The following PTPRM variants were observed in gnomAD, a reference collection of about 807,000 sequenced individuals.
PTPRM encodes protein tyrosine phosphatase receptor type M, also known as receptor-type tyrosine-protein phosphatase mu.
PTPRM carries 47 observed loss-of-function variants against 186.7 expected under a neutral mutation model. The ratio of observed to expected loss-of-function variants is 0.25; its 90% CI spans 0.20 to 0.32. The LOEUF (loss-of-function observed/expected upper bound fraction) is 0.32. Ranked by LOEUF, PTPRM falls within the 10% of genes least tolerant of loss-of-function variation. The probability of loss-of-function intolerance (pLI) is 1.00; values close to 1 mark genes in which losing one functional copy is unlikely to be tolerated. For synonymous variants in PTPRM, 668 were observed against 674.9 expected, an observed-to-expected ratio of 0.99 and a Z score of 0.16; for missense variants, 1,494 against 1,865.0, an observed-to-expected ratio of 0.80 and a Z score of 3.66.
intron 23 of PTPRM, among the ~76,000 whole-genome samples, chr18:8,367,445 G>C (rs141945500): frequency 6.6e-6 from 1 of 152,254 alleles, no homozygotes; most frequent in Non-Finnish European, 1.5e-5. Flanking sequence ...GCACCGTGCC[G>C]AGCAGTTGAG....
At chr18:7,933,169 T>G (rs1380549650) in intron 5 of PTPRM, among the ~76,000 whole-genome samples, 1 of 152,206 alleles carries the variant, frequency 6.6e-6, no homozygotes. Context: ...CTTACTTTAC[T>G]TAACCATTGC....
intron 2 of PTPRM, among the ~76,000 whole-genome samples, chr18:7,831,643 T>C (rs995513490): frequency 5.3e-5 from 8 of 152,166 alleles, no homozygotes; most frequent in Non-Finnish European, 1.0e-4. Flanking sequence ...TTTAGTTATC[T>C]TTAAATGTAC....
chr18:8,352,046 AT>A (rs2095537194), intron 23 of PTPRM, among the ~76,000 whole-genome samples: 1 of 152,256 alleles, frequency 6.6e-6, no homozygotes, highest in African/African-American at 2.4e-5. Context: ...TCTCAGCACA[AT>A]TTAACCCAAC....
At chr18:8,302,751 G>A (rs1399844600) in intron 20 of PTPRM, among the ~76,000 whole-genome samples, 1 of 152,056 alleles carries the variant, frequency 6.6e-6, no homozygotes, top group African/African-American at 2.4e-5. Context: ...TGAATGGTTA[G>A]ATGGATGATG....
intron 7 of PTPRM, among the ~76,000 whole-genome samples, chr18:8,034,146 GT>G (rs888381452): frequency 8.5e-4 from 124 of 146,654 alleles, no homozygotes; most frequent in Middle Eastern, 3.6e-3. Flanking sequence ...CCTGTGTAAA[GT>G]TTTTTTTTTT....
intron 23 of PTPRM, among the ~76,000 whole-genome samples, chr18:8,359,233 G>A (rs2095581988): frequency 2.0e-5 from 3 of 152,240 alleles, no homozygotes. Context: ...CACAGTGGCA[G>A]GATATTACAG....
intron 2 of PTPRM, among the ~76,000 whole-genome samples, chr18:7,813,823 G>C (rs772931532): frequency 6.6e-5 from 10 of 151,456 alleles, no homozygotes; most frequent in Non-Finnish European, 1.5e-4. Context: ...CTGTCTTCTA[G>C]ATTACTAATT....
chr18:7,711,310 C>G (rs777866973), intron 1 of PTPRM, among the ~76,000 whole-genome samples: 2 of 152,180 alleles, frequency 1.3e-5, no homozygotes, highest in Non-Finnish European at 2.9e-5. Flanking sequence ...CCAGATACTA[C>G]GCTTTTCTCA....
intron 1 of PTPRM, among the ~76,000 whole-genome samples, chr18:7,763,732 A>C (rs1248286740): frequency 6.6e-6 from 1 of 152,216 alleles, no homozygotes; most frequent in Non-Finnish European, 1.5e-5. Context: ...AGGGAAGTAC[A>C]TTTAGTTGAG....
chr18:7,681,790 G>T (rs2039487569), intron 1 of PTPRM, among the ~76,000 whole-genome samples: 1 of 152,060 alleles, frequency 6.6e-6, no homozygotes. Context: ...CAAAAATGTG[G>T]TCTTCTCATA....
rs1241160607 is a variant in PTPRM at position 7,746,712 on chromosome 18, T to G, written c.74-27437T>G. ...AACTCCTAGTCTCATGTGATCTTCC[T>G]GCCTTGACCTCCTAAAGTGCTGGGA... On this transcript the variant is annotated intron_variant, in intron 1 of 32. Coordinates refer to ENST00000580170, the MANE Select transcript of PTPRM (RefSeq NM_001105244.2). Among the ~76,000 whole-genome samples, 3 of 152,296 alleles carry G rather than the reference T, an allele frequency of 2.0e-5. No homozygotes were observed. In the East Asian group the frequency reaches 5.8e-4, roughly 29 times the overall value.
intron 1 of PTPRM, among the ~76,000 whole-genome samples, chr18:7,709,990 C>T (rs1306414369): frequency 6.6e-6 from 1 of 152,184 alleles, no homozygotes; most frequent in African/African-American, 2.4e-5. Flanking sequence ...AAATTGGTAT[C>T]AGTCCTACTG....
chr18:8,234,139 T>G (rs926526665), intron 14 of PTPRM, among the ~76,000 whole-genome samples: 13 of 152,210 alleles, frequency 8.5e-5, no homozygotes, highest in Non-Finnish European at 1.8e-4. Context: ...AGTTTGTTAT[T>G]AACCCTAAAT....
At chr18:7,899,771 G>A (rs2049560673) in intron 3 of PTPRM, among the ~76,000 whole-genome samples, 1 of 152,108 alleles carries the variant, frequency 6.6e-6, no homozygotes, top group African/African-American at 2.4e-5. Flanking sequence ...ACTTCTAAAT[G>A]AGTTAGGTTT....
chr18:8,316,132 T>C (rs1349426321), intron 21 of PTPRM, among the ~76,000 whole-genome samples: 2 of 152,156 alleles, frequency 1.3e-5, no homozygotes, highest in Non-Finnish European at 2.9e-5. Flanking sequence ...TCTTATCCAG[T>C]CCACTTACCT....
chr18:7,687,378 A>ATTTTATTTAAAT (rs1283034789), intron 1 of PTPRM, among the ~76,000 whole-genome samples: 1 of 152,202 alleles, frequency 6.6e-6, no homozygotes, highest in Non-Finnish European at 1.5e-5. Flanking sequence ...AATGTTCTCA[A>ATTTTATTTAAAT]TTTTAAATAA....
chr18:8,033,446 G>A (rs112881416), intron 7 of PTPRM, among the ~76,000 whole-genome samples: 20 of 152,230 alleles, frequency 1.3e-4, no homozygotes, highest in African/African-American at 3.1e-4. Flanking sequence ...TGCAAACATC[G>A]TAGAGTGCAC....
intron 3 of PTPRM, among the ~76,000 whole-genome samples, chr18:7,904,394 T>A (rs1407745254): frequency 6.6e-6 from 1 of 152,158 alleles, no homozygotes; most frequent in Non-Finnish European, 1.5e-5. Context: ...GATGTCCTTT[T>A]GTAAGCAAAC....
chr18:8,379,077 A>C, intron 27 of PTPRM, 90 bp from the exon 28 acceptor site: 1 of 1,104,430 alleles, frequency 9.1e-7, no homozygotes, highest in Non-Finnish European at 1.3e-6. Flanking sequence ...GCAGTCAGCC[A>C]CAGGAAGTTT....
Sources: allele counts gnomAD v4.1 joint callset (sites outside exome capture counted in the v4.1 genomes callset), GRCh38; gene constraint gnomAD v4.1.1; transcripts MANE v1.5; gene names NCBI Gene and HGNC (gene_info 2026-07-23, HGNC 2026-07-21).